The following TMPRSS11D variants were observed in gnomAD, a reference collection of about 807,000 sequenced individuals.
TMPRSS11D encodes transmembrane protease serine 11D.
In TMPRSS11D, 32 loss-of-function variants were observed where a neutral mutation model predicts 44.4. That is an observed-to-expected ratio of 0.72 (90% confidence interval 0.54 to 0.97). The LOEUF (loss-of-function observed/expected upper bound fraction) is 0.97, where lower values mean the gene tolerates loss of function less well. TMPRSS11D is among the 50% of genes least tolerant of loss of function. TMPRSS11D has a pLI of 0.00. For missense variants in TMPRSS11D, 446 were observed against 502.6 expected (o/e 0.89, Z 1.08); for synonymous variants, 179 against 177.9 (o/e 1.01, Z -0.05).
chr4:67,875,470 C>T (rs1018072598), intron 1 of TMPRSS11D, among the ~76,000 whole-genome samples: 2 of 152,090 alleles, frequency 1.3e-5, no homozygotes, highest in African/African-American at 4.8e-5. Flanking sequence ...TAGATCCTCC[C>T]ACGACTCCTA....
chr4:67,863,342 A>AAAAAAG (rs1553919344), intron 1 of TMPRSS11D, among the ~76,000 whole-genome samples: 1 of 150,748 alleles, frequency 6.6e-6, no homozygotes, highest in African/African-American at 2.4e-5. Context: ...AAAAAAAAAA[A>AAAAAAG]AAAAGAAAAG....
chr4:67,836,974 A>T (rs1322976242), intron 5 of TMPRSS11D, among the ~76,000 whole-genome samples: 1 of 152,124 alleles, frequency 6.6e-6, no homozygotes, highest in African/African-American at 2.4e-5. Context: ...AGATATCCCA[A>T]GCACGCTGGT....
At chr4:67,864,732 TATCAGATAAAACAAGGTTTAA>T (rs1221631411) in intron 1 of TMPRSS11D, among the ~76,000 whole-genome samples, 2 of 151,932 alleles carry the variant, frequency 1.3e-5, no homozygotes, top group African/African-American at 4.8e-5. Context: ...GCTATGTTTA[TATCAGATAAAACAAGGTTTAA>T]ATCAACAGTA....
Position 67,859,571 on chromosome 4 carries a change from T to C in TMPRSS11D, c.116A>G (p.Tyr39Cys), listed in dbSNP as rs1257624017. Residue 39 changes from tyrosine to cysteine, a missense_variant, in exon 2 of 10, where the codon TAC (tyrosine) becomes TGC (cysteine). Coordinates refer to ENST00000283916, the MANE Select transcript of TMPRSS11D (RefSeq NM_004262.3). ...ILAVTIALLVYFLAFDQKSYF... is the reference protein window; with the variant it reads ...ILAVTIALLVCFLAFDQKSYF... ...CTGGTACTTACCAAAAGCTAAAAAG[T>C]AAACAAGTAGAGCTATGGTGACTGC... The C allele has an allele frequency of 1.2e-6, 2 of 1,612,932 alleles. No individual in the cohort carries two copies. Among genetic ancestry groups the C allele is most frequent in the African/African-American group, 1.3e-5 (1 of 75,004 alleles).
chr4:67,830,448 C>T (rs1308376641), intron 7 of TMPRSS11D, among the ~76,000 whole-genome samples: 1 of 151,870 alleles, frequency 6.6e-6, no homozygotes, highest in African/African-American at 2.4e-5. Context: ...CAAAATGTTA[C>T]CGATAATACC....
chr4:67,832,731 T>G (rs1717976329), intron 7 of TMPRSS11D, among the ~76,000 whole-genome samples: 1 of 150,722 alleles, frequency 6.6e-6, no homozygotes, highest in Non-Finnish European at 1.5e-5. Context: ...AATAAATTAA[T>G]GGCATGGGGC....
intron 7 of TMPRSS11D, among the ~76,000 whole-genome samples, chr4:67,830,261 C>T (rs907944718): frequency 5.9e-5 from 9 of 151,626 alleles, no homozygotes; most frequent in South Asian, 4.2e-4. Context: ...ATGTATATTT[C>T]GAATATATTA....
intron 1 of TMPRSS11D, among the ~76,000 whole-genome samples, chr4:67,859,898 T>G (rs1718754733): frequency 6.6e-6 from 1 of 152,138 alleles, no homozygotes; most frequent in Non-Finnish European, 1.5e-5. Context: ...GAAATTCAAG[T>G]AGTCTGATGG....
At chr4:67,846,127 G>T (rs1718351374) in intron 3 of TMPRSS11D, among the ~76,000 whole-genome samples, 1 of 152,106 alleles carries the variant, frequency 6.6e-6, no homozygotes, top group African/African-American at 2.4e-5. Context: ...GATCTGGAAA[G>T]CTCAGTTGTC....
chr4:67,881,528 A>C (rs1027209016), intron 1 of TMPRSS11D, among the ~76,000 whole-genome samples: 4 of 152,186 alleles, frequency 2.6e-5, no homozygotes, highest in Non-Finnish European at 4.4e-5. Context: ...CTGTAAATAC[A>C]AATTGGTGTC....
intron 5 of TMPRSS11D, 25 bp from the exon 6 acceptor site, chr4:67,835,146 A>G (rs765102254): frequency 1.3e-6 from 2 of 1,586,666 alleles, no homozygotes; most frequent in African/African-American, 1.3e-5. Flanking sequence ...TGAGAATAAG[A>G]TAAATACAAT....
At chr4:67,824,238 T>A (rs1465876563) in intron 9 of TMPRSS11D, among the ~76,000 whole-genome samples, 1 of 151,680 alleles carries the variant, frequency 6.6e-6, no homozygotes, top group Admixed American at 6.6e-5. Flanking sequence ...CATGGTGAGG[T>A]ACGGCTTGAA....
chr4:67,845,846 G>A (rs1019807895), intron 3 of TMPRSS11D, among the ~76,000 whole-genome samples: 1 of 152,064 alleles, frequency 6.6e-6, no homozygotes. Flanking sequence ...TTCTAACAAA[G>A]TGAACATCAC....
chr4:67,872,090 A>C (rs1719073786), intron 1 of TMPRSS11D, among the ~76,000 whole-genome samples: 1 of 152,144 alleles, frequency 6.6e-6, no homozygotes, highest in South Asian at 2.1e-4. Flanking sequence ...CTGCTGTTCA[A>C]TGTTAATATT....
At chr4:67,880,323 G>A (rs1719290481) in intron 1 of TMPRSS11D, among the ~76,000 whole-genome samples, 2 of 152,056 alleles carry the variant, frequency 1.3e-5, no homozygotes, top group South Asian at 4.1e-4. Flanking sequence ...AATGGAGGAA[G>A]AAAATAAAAA....
chr4:67,838,340 T>C lies in TMPRSS11D; in HGVS notation c.318-11A>G. The C allele has an allele frequency of 6.5e-7, 1 of 1,530,964 alleles. No homozygotes were observed. Among genetic ancestry groups the C allele is most frequent in the Non-Finnish European group, 8.8e-7 (1 of 1,142,634 alleles). The allele number at this position is 1,530,964 out of a possible 1,614,324, so 94.8% of individuals were successfully genotyped here. A position where few individuals can be genotyped will look rare whatever the true frequency, so the allele number is the denominator to read the frequency against. On this transcript the variant is annotated splice_polypyrimidine_tract_variant and intron_variant, in intron 4 of 9. Transcript: ENST00000283916. ...CCACTACCATCTTGCCTGTAAATCA[T>C]AAAGATATTTTAAAAAACAAATAAT...
intron 2 of TMPRSS11D, among the ~76,000 whole-genome samples, chr4:67,858,814 T>G (rs1718721535): frequency 6.6e-6 from 1 of 152,200 alleles, no homozygotes; most frequent in Admixed American, 6.5e-5. Flanking sequence ...ACATTTTACA[T>G]ATCTATGTTA....
At chr4:67,841,040 AG>A (rs1242324912) in intron 4 of TMPRSS11D, among the ~76,000 whole-genome samples, 1 of 152,172 alleles carries the variant, frequency 6.6e-6, no homozygotes, top group African/African-American at 2.4e-5. Context: ...GACATGATAA[AG>A]TTCCATGTAA....
At chr4:67,878,918 T>C (rs978680555) in intron 1 of TMPRSS11D, among the ~76,000 whole-genome samples, 1 of 152,090 alleles carries the variant, frequency 6.6e-6, no homozygotes, top group Non-Finnish European at 1.5e-5. Context: ...AGAGGGAGAC[T>C]CTGTCTCAAA....
Sources: allele counts gnomAD v4.1 joint callset (sites outside exome capture counted in the v4.1 genomes callset), GRCh38; gene constraint gnomAD v4.1.1; transcripts MANE v1.5; gene names NCBI Gene and HGNC (gene_info 2026-07-23, HGNC 2026-07-21).